The following TM7SF2 variants were observed in gnomAD, a reference collection of about 807,000 sequenced individuals.
TM7SF2 encodes delta(14)-sterol reductase TM7SF2.
TM7SF2 carries 51 observed loss-of-function variants against 51.0 expected under a neutral mutation model. That is an observed-to-expected ratio of 1.00 (90% CI 0.80 to 1.26). TM7SF2 has a LOEUF of 1.26. TM7SF2 is among the 50% of genes most tolerant of loss of function. The pLI is 0.00. For missense variants in TM7SF2, 541 were observed against 547.4 expected (o/e 0.99, Z 0.12); for synonymous variants, 255 against 241.0 (o/e 1.06, Z -0.54).
rs758413631 is a variant in TM7SF2 at position 65,112,873 on chromosome 11, G to C, written c.304+8G>C. On this transcript the variant is annotated splice_region_variant and intron_variant, in intron 3 of 9. Transcript: ENST00000279263. Reference sequence around the variant, plus strand: ...TGCGCTATCCTATTAACGGTGCCTAGGGGACGGGCCCTCGCGCTGGAGTTA... The same window carrying C: ...TGCGCTATCCTATTAACGGTGCCTACGGGACGGGCCCTCGCGCTGGAGTTA... 1.5e-5 allele frequency: 24 copies of C among 1,550,584 alleles called. No individual in the cohort carries two copies. The highest frequency in any genetic ancestry group is 1.7e-4 in the Middle Eastern group (1 of 5,992).
chr11:65,113,620 C>T (rs939095893), intron 5 of TM7SF2, 26 bp downstream of exon 5: 1 of 1,605,148 alleles, frequency 6.2e-7, no homozygotes, highest in Non-Finnish European at 8.5e-7. Flanking sequence ...CTGAGCTGGC[C>T]TCAGGCCAGG....
At position 65,112,648 on chromosome 11, in the gene TM7SF2, GC is replaced by G. The variant is rs1180131767; in HGVS notation, c.187del (p.Leu63CysfsTer28). On this transcript the variant is annotated frameshift_variant, in exon 2 of 10. Transcript: ENST00000279263. LOFTEE classifies it high-confidence loss of function. The stretch of plus-strand genomic sequence containing the variant: ...TGGAGGTGCTGTGGAGCCCACGGGC[GC>G]TGCTGCTGTGGCTCGCCTGGCTCGG... ...GLEVLWSPRA[L>X]LLWLAWLGLQ... The G allele has an allele frequency of 6.5e-7, 1 of 1,536,548 alleles. No individual in the cohort carries two copies. The highest frequency in any genetic ancestry group is 8.7e-7 in the Non-Finnish European group (1 of 1,143,256).
chr11:65,112,993 C>G, intron 3 of TM7SF2, 128 bp downstream of exon 3: 1 of 1,233,220 alleles, frequency 8.1e-7, no homozygotes, highest in Non-Finnish European at 1.1e-6. Context: ...ACGCCCAGGA[C>G]AGACGCCGGG....
chr11:65,112,102 G>A (rs768723683), intron 1 of TM7SF2, 35 bp downstream of exon 1: 55 of 1,576,094 alleles, frequency 3.5e-5, no homozygotes, highest in Middle Eastern at 3.4e-4. Context: ...TGGGGCAAAG[G>A]CTAAGCGAAG....
Position 65,114,693 on chromosome 11 carries a change from G to A in TM7SF2, c.604-20G>A, listed in dbSNP as rs1436152509. The A allele has an allele frequency of 1.2e-6, 2 of 1,612,104 alleles. No individual in the cohort carries two copies. Among genetic ancestry groups the A allele is most frequent in the South Asian group, 1.1e-5 (1 of 90,688 alleles). ...GGCTGCCACTTCTGTGGAGACTATT[G>A]CCTTGTTCCCTCTCCCCAGGTCCTC... On this transcript the variant is annotated intron_variant, in intron 5 of 9. Transcript: ENST00000279263.
intron 2 of TM7SF2, 32 bp downstream of exon 2, chr11:65,112,743 G>C (rs1407626857): frequency 6.5e-7 from 1 of 1,549,194 alleles, no homozygotes; most frequent in Admixed American, 2.0e-5. Context: ...GCTCGGGGGA[G>C]GGAAGCGAAT....
intron 1 of TM7SF2, 109 bp downstream of exon 1, chr11:65,112,176 T>C: frequency 8.4e-7 from 1 of 1,190,616 alleles, no homozygotes; most frequent in Non-Finnish European, 1.2e-6. Flanking sequence ...TTTGGGGGTG[T>C]CGGAGGCAGA....
chr11:65,115,476 G>A lies in TM7SF2; in HGVS notation c.974G>A (p.Gly325Glu). The change falls in exon 9 of 10, where the codon GGG becomes GAG. Residue 325 changes from glycine (G) to glutamate (E), a missense_variant and splice_region_variant. Coordinates refer to ENST00000279263, the MANE Select transcript of TM7SF2 (RefSeq NM_003273.6). ...RKNPSDPRVAGLETISTATGR... is the reference protein window; with the variant it reads ...RKNPSDPRVAELETISTATGR... ...TCTCCACCCTGCTGTCTTTCCCCAG[G>A]GCTTGAGACCATCTCTACAGCCACA... is the stretch of plus-strand genomic sequence containing the variant. The A allele has an allele frequency of 5.6e-6, 9 of 1,614,114 alleles. No homozygotes were observed. The highest frequency in any genetic ancestry group is 7.6e-6 in the Non-Finnish European group (9 of 1,180,004).
chr11:65,111,874 C>A lies in TM7SF2; in HGVS notation c.-142C>A. The stretch of plus-strand genomic sequence containing the variant: ...ACCCTGGGACGAGAGCGGTCCTTGT[C>A]TGCGTTCCGTGTCCAGGCAGGTGCA... On this transcript the variant is annotated 5_prime_UTR_variant, in exon 1 of 10. It adds an upstream start codon to the 5' untranslated region. Transcript: ENST00000279263. 1 of 1,063,842 alleles carries A rather than the reference C, an allele frequency of 9.4e-7. No individual in the cohort carries two copies. Among genetic ancestry groups the A allele is most frequent in the Non-Finnish European group, 1.4e-6 (1 of 713,308 alleles). 65.9% of individuals were successfully genotyped at this position (1,063,842 alleles called of 1,614,324 possible).
chr11:65,115,446 G>A lies in TM7SF2; in HGVS notation c.974-30G>A, dbSNP rs749153927. 7 of 1,614,090 alleles carry A rather than the reference G, an allele frequency of 4.3e-6. No individual in the cohort carries two copies. The South Asian group carries it at 7.7e-5, about 18-fold the overall frequency. On this transcript the variant is annotated intron_variant, in intron 8 of 9. Transcript: ENST00000279263. ...TGAGGTGGGGCAGCTGGGCTTCCTG[G>A]GAACTCTCCACCCTGCTGTCTTTCC...
chr11:65,115,321 TTAC>T lies in TM7SF2; in HGVS notation c.904_906del (p.Tyr302del), dbSNP rs753668344. 5 of 1,613,944 alleles carry T rather than the reference TTAC, an allele frequency of 3.1e-6. No individual in the cohort carries two copies. The highest frequency in any genetic ancestry group is 1.7e-5 in the Admixed American group (1 of 60,012). On this transcript the variant is annotated inframe_deletion, in exon 8 of 10. Transcript: ENST00000279263. ...TTCACACTCTCTCACCAGCTACTGG[TTAC>T]TACATCTTCCGTGGGGCGAATTCCC...
rs773142728 is a variant in TM7SF2, at chr11:65,113,502, T to G, written c.511T>G (p.Tyr171Asp). ...APGGNSGNPI[Y>D]DFFLGRELNP... ...CCAATATTCTCCAGGCAATCCGATT[T>G]ACGACTTTTTTCTGGGACGAGAGCT... The change falls in exon 5 of 10, where the codon TAC (tyrosine) becomes GAC (aspartate). Residue 171 changes from tyrosine to aspartate, a missense_variant. Physicochemically the swap from Tyr to Asp is radical, Grantham distance 160. Transcript: ENST00000279263. The G allele has an allele frequency of 1.1e-5, 17 of 1,614,118 alleles. No homozygotes were observed. The highest frequency in any genetic ancestry group is 1.7e-5 in the Admixed American group (1 of 60,010).
chr11:65,113,695 C>A, intron 5 of TM7SF2, 101 bp downstream of exon 5: 1 of 966,698 alleles, frequency 1.0e-6, no homozygotes, highest in Non-Finnish European at 1.6e-6. Context: ...AGATGCGAGT[C>A]ATTAACCATT....
In TM7SF2 at chr11:65,112,596, T is replaced by C. The variant is rs1331857216; in HGVS notation, c.134T>C (p.Leu45Pro). Residue 45 changes from leucine to proline, a missense_variant, in exon 2 of 10, where the codon CTG becomes CCG. Leu to Pro is a moderately conservative substitution (Grantham distance 98, BLOSUM62 -3). Coordinates refer to ENST00000279263, the MANE Select transcript of TM7SF2 (RefSeq NM_003273.6). ...LAARSGPARL[L>P]GPPASLPGLE... is the part of the protein sequence containing the mutation. Reference sequence around the variant, plus strand: ...GCCCGTTCGGGCCCCGCGCGCCTGCTGGGTCCACCCGCGTCCCTGCCGGGG... The same window carrying C: ...GCCCGTTCGGGCCCCGCGCGCCTGCCGGGTCCACCCGCGTCCCTGCCGGGG... The C allele has an allele frequency of 1.3e-6, 2 of 1,517,710 alleles. No individual in the cohort carries two copies. Among genetic ancestry groups the C allele is most frequent in the Admixed American group, 2.1e-5 (1 of 48,096 alleles). The allele number at this position is 1,517,710 out of a possible 1,614,324, so 94.0% of individuals were successfully genotyped here.
intron 7 of TM7SF2, 41 bp from the exon 8 acceptor site, chr11:65,115,273 C>T (rs1285148968): frequency 1.2e-6 from 2 of 1,607,522 alleles, no homozygotes; most frequent in Non-Finnish European, 1.7e-6. Context: ...CAGGAGGCTG[C>T]AACCCTTGAC....
At chr11:65,112,950 C>A in intron 3 of TM7SF2, 85 bp downstream of exon 3, 1 of 1,479,100 alleles carries the variant, frequency 6.8e-7, no homozygotes, top group Non-Finnish European at 9.2e-7. Context: ...CGGAGATTGG[C>A]CCCCACCCCA....
chr11:65,113,097 G>A, intron 3 of TM7SF2, 123 bp from the exon 4 acceptor site: 1 of 1,180,202 alleles, frequency 8.5e-7, no homozygotes, highest in Non-Finnish European at 1.2e-6. Context: ...CTGAAGGCCA[G>A]GGTGGCAGCC....
chr11:65,115,943 C>T lies in TM7SF2; in HGVS notation c.1147C>T (p.Leu383=), dbSNP rs1360516506. 2 of 1,614,034 alleles carry T rather than the reference C, an allele frequency of 1.2e-6. No individual in the cohort carries two copies. Among genetic ancestry groups the T allele is most frequent in the East Asian group, 2.2e-5 (1 of 44,884 alleles). The part of the protein sequence containing the change: ...YFYLLYFTAL[L]VHREARDERQ... ...CTACCTCCTCTACTTCACCGCGCTG[C>T]TGGTGCACCGTGAGGCCCGGGATGA... is the stretch of plus-strand genomic sequence containing the variant. Residue 383 remains leucine, a synonymous_variant, in exon 10 of 10, where the codon CTG becomes TTG. Transcript: ENST00000279263.
In TM7SF2 at chr11:65,115,494, C is replaced by T. The variant is rs770656879; in HGVS notation, c.992C>T (p.Thr331Ile). ...PRVAGLETIS[T>I]ATGRKLLVSG... ...TCCCCAGGGCTTGAGACCATCTCTA[C>T]AGCCACAGGGCGGAAACTGCTGGTG... Residue 331 changes from threonine (T) to isoleucine (I), a missense_variant, in exon 9 of 10, where the codon ACA becomes ATA. Thr to Ile is a moderately conservative substitution (Grantham distance 89). Transcript: ENST00000279263. The T allele has an allele frequency of 9.3e-6, 15 of 1,614,034 alleles. No homozygotes were observed. The highest frequency in any genetic ancestry group is 1.6e-4 in the Middle Eastern group (1 of 6,076).
Sources: gnomAD v4.1 joint callset for allele counts on GRCh38, gnomAD v4.1.1 for gene constraint, MANE v1.5 for transcripts, NCBI Gene and HGNC (gene_info 2026-07-23, HGNC 2026-07-21) for gene names.